The following SIRPA variants were observed in gnomAD, a reference collection of about 807,000 sequenced individuals.
The protein encoded by SIRPA is tyrosine-protein phosphatase non-receptor type substrate 1.
A neutral mutation model predicts 50.3 loss-of-function variants in SIRPA; 9 were observed. The ratio of observed to expected loss-of-function variants is 0.18; its 90% CI spans 0.11 to 0.31. The LOEUF is 0.31. SIRPA is among the 10% of genes least tolerant of loss of function. The pLI is 1.00. For synonymous variants in SIRPA, 265 were observed against 284.1 expected (o/e 0.93, Z 0.68); for missense variants, 474 against 661.6 (o/e 0.72, Z 3.11).
At chr20:1,913,844 C>T (rs2123080442) in intron 1 of SIRPA, among the ~76,000 whole-genome samples, 1 of 152,328 alleles carries the variant, frequency 6.6e-6, no homozygotes, top group South Asian at 2.1e-4. Context: ...CATCTCATGA[C>T]AAGCTCGTCC....
At position 1,937,470 on chromosome 20, in the gene SIRPA, C is replaced by T. The variant is rs774526426; in HGVS notation, c.1417C>T (p.Leu473=). 1.2e-5 allele frequency: 20 copies of T among 1,614,138 alleles called. No individual in the cohort carries two copies. In the Admixed American group the frequency reaches 2.2e-4, roughly 17 times the overall value. The change falls in exon 8 of 8, where the codon CTG becomes TTG. Residue 473 remains leucine, a synonymous_variant. Coordinates refer to ENST00000358771, the MANE Select transcript of SIRPA (RefSeq NM_001040023.2). The surrounding 1 kb of genome is among the most constrained non-coding windows in gnomAD (Gnocchi z 8.3). ...ASEDTLTYAD[L]DMVHLNRTPK... is the part of the protein sequence containing the mutation. ...GGAGGACACCCTCACCTATGCTGAC[C>T]TGGACATGGTCCACCTCAACCGGAC...
intron 1 of SIRPA, among the ~76,000 whole-genome samples, chr20:1,896,269 G>A (rs904682007): frequency 6.6e-6 from 1 of 152,208 alleles, no homozygotes; most frequent in Non-Finnish European, 1.5e-5. Flanking sequence ...GTGCTCCGCG[G>A]GGATGTTACC....
intron 1 of SIRPA, among the ~76,000 whole-genome samples, chr20:1,903,787 C>A (rs764085253): frequency 6.6e-6 from 1 of 152,208 alleles, no homozygotes; most frequent in Non-Finnish European, 1.5e-5. Context: ...CCCAACCACC[C>A]CATTCCAAAA....
chr20:1,901,493 C>T (rs1057352341), intron 1 of SIRPA, among the ~76,000 whole-genome samples: 10 of 152,142 alleles, frequency 6.6e-5, no homozygotes, highest in African/African-American at 2.2e-4. Flanking sequence ...TCTATCAGTG[C>T]ACCTTCCTAT....
chr20:1,904,666 G>A (rs1041451725), intron 1 of SIRPA, among the ~76,000 whole-genome samples: 16 of 152,176 alleles, frequency 1.1e-4, no homozygotes, highest in African/African-American at 2.9e-4. Context: ...GATTGTCATC[G>A]TTTTATGGTT....
Position 1,924,868 on chromosome 20 carries a change from CAGA to C in SIRPA, c.1197_1199del (p.Lys400del). On this transcript the variant is annotated inframe_deletion, in exon 5 of 8. Coordinates refer to ENST00000358771, the MANE Select transcript of SIRPA (RefSeq NM_001040023.2). This position sits in a 1 kb window ranked among gnomAD's most constrained non-coding sequence, Gnocchi z 4.5. ...GGCCCTCTACCTCGTCCGAATCAGA[CAGA>C]AGAAAGGTGGGTGCATTCCCCTCTT... is the stretch of plus-strand genomic sequence containing the variant. 1 of 1,613,786 alleles carries C rather than the reference CAGA, an allele frequency of 6.2e-7. No individual in the cohort carries two copies. The highest frequency in any genetic ancestry group is 8.5e-7 in the Non-Finnish European group (1 of 1,179,694).
chr20:1,908,670 G>T lies in SIRPA; in HGVS notation c.80-6429G>T, dbSNP rs191934521. The stretch of plus-strand genomic sequence containing the variant: ...CATGTATGTACACACGTGTGTTCTC[G>T]TGTGCATACTCTTATGCACCCTCAG... On this transcript the variant is annotated intron_variant, in intron 1 of 7. Transcript: ENST00000358771. 2.9e-4 allele frequency among the ~76,000 whole-genome samples: 44 copies of T among 152,116 alleles called. No individual in the cohort carries two copies. In the East Asian group the frequency reaches 7.9e-3, roughly 27 times the overall value.
chr20:1,924,962 G>T lies in SIRPA; in HGVS notation c.1201+85G>T. On this transcript the variant is annotated intron_variant, in intron 5 of 7. Coordinates refer to ENST00000358771, the MANE Select transcript of SIRPA (RefSeq NM_001040023.2). This position sits in a 1 kb window ranked among gnomAD's most constrained non-coding sequence, Gnocchi z 4.5. ...ACGCCATTAGGTGCTTTGGGTTAAG[G>T]ACATCAGCTTCTGCCAGTAGCAAGA... 1 of 1,055,728 alleles carries T rather than the reference G, an allele frequency of 9.5e-7. No individual in the cohort carries two copies. Among genetic ancestry groups the T allele is most frequent in the South Asian group, 1.3e-5 (1 of 75,520 alleles). The allele number at this position is 1,055,728 out of a possible 1,614,324, so 65.4% of individuals were successfully genotyped here.
At position 1,937,841 on chromosome 20, in the gene SIRPA, G is replaced by A; in HGVS notation, c.*273G>A. 1 of 493,842 alleles carries A rather than the reference G, an allele frequency of 2.0e-6. No individual in the cohort carries two copies. Among genetic ancestry groups the A allele is most frequent in the South Asian group, 2.9e-5 (1 of 34,610 alleles). The allele number at this position is 493,842 out of a possible 1,614,324, so 30.6% of individuals were successfully genotyped here. ...ACCAACCTGGGAAGTGGCCAGAACT[G>A]CCTGGGGTCCAAGAACTCTTGTGCC... On this transcript the variant is annotated 3_prime_UTR_variant, in exon 8 of 8. Transcript: ENST00000358771. The surrounding 1 kb of genome is among the most constrained non-coding windows in gnomAD (Gnocchi z 8.3).
At chr20:1,900,501 C>T (rs1204550802) in intron 1 of SIRPA, among the ~76,000 whole-genome samples, 1 of 152,192 alleles carries the variant, frequency 6.6e-6, no homozygotes, top group Non-Finnish European at 1.5e-5. Flanking sequence ...CACAGCCTGC[C>T]TCTAGGTGTC....
intron 1 of SIRPA, among the ~76,000 whole-genome samples, chr20:1,896,114 G>A (rs1983797188): frequency 6.6e-6 from 1 of 152,180 alleles, no homozygotes; most frequent in Non-Finnish European, 1.5e-5. Context: ...GAGCTGCTGC[G>A]AGCAACAGAT....
In SIRPA at chr20:1,939,154, G is replaced by C. The variant is rs1034880218; in HGVS notation, c.*1586G>C. The C allele has an allele frequency of 1.3e-5, 2 of 152,336 alleles. No homozygotes were observed. Among genetic ancestry groups the C allele is most frequent in the Middle Eastern group, 3.2e-3 (1 of 316 alleles). 9.4% of individuals were successfully genotyped at this position (152,336 alleles called of 1,614,324 possible). ...GGCCTGACCGGGCCCAGGGCAAGCA[G>C]ATGTCGCAAGCCCTATTTATTCAGT... On this transcript the variant is annotated 3_prime_UTR_variant, in exon 8 of 8. Transcript: ENST00000358771. The surrounding 1 kb of genome is among the most constrained non-coding windows in gnomAD (Gnocchi z 4.7).
rs11905717 is a variant in SIRPA, at chr20:1,934,082, G to T, written c.1227-633G>T. 0.041 allele frequency among the ~76,000 whole-genome samples: 6,200 copies of T among 152,062 alleles called. 399 individuals are homozygous for T. The highest frequency in any genetic ancestry group is 0.14 in the African/African-American group (5,848 of 41,426). On this transcript the variant is annotated intron_variant, in intron 6 of 7. Coordinates refer to ENST00000358771, the MANE Select transcript of SIRPA (RefSeq NM_001040023.2). The surrounding 1 kb of genome is among the most constrained non-coding windows in gnomAD (Gnocchi z 4.6). ...TTATCCACACATTTTTCATAATTGA[G>T]ATAATCCTACAGAGAATTTTCCTTT...
intron 2 of SIRPA, among the ~76,000 whole-genome samples, chr20:1,917,644 G>A (rs2123118399): frequency 6.6e-6 from 1 of 152,312 alleles, no homozygotes; most frequent in East Asian, 1.9e-4. Context: ...TAAAGGACAG[G>A]TCTCAGCACA....
Position 1,937,669 on chromosome 20 carries a change from G to T in SIRPA, c.*101G>T. 1.3e-6 allele frequency: 2 copies of T among 1,488,620 alleles called. No homozygotes were observed. The highest frequency in any genetic ancestry group is 1.8e-6 in the Non-Finnish European group (2 of 1,104,214). 92.2% of individuals were successfully genotyped at this position (1,488,620 alleles called of 1,614,324 possible). On this transcript the variant is annotated 3_prime_UTR_variant, in exon 8 of 8. Transcript: ENST00000358771. The surrounding 1 kb of genome is among the most constrained non-coding windows in gnomAD (Gnocchi z 8.3). The stretch of plus-strand genomic sequence containing the variant: ...GCCAACCCAGTTCCCGGAGGGCTGG[G>T]GCGGTGCAGGCTCTGGGACCCAGGG...
chr20:1,938,726 C>G lies in SIRPA; in HGVS notation c.*1158C>G, dbSNP rs1986734371. On this transcript the variant is annotated 3_prime_UTR_variant, in exon 8 of 8. Transcript: ENST00000358771. Reference sequence around the variant, plus strand: ...GTGACCCCGCTGTGGTAAGTCCAGCCTGCCCAGGGCTGCTGAGGGCTGCCT... The same window carrying G: ...GTGACCCCGCTGTGGTAAGTCCAGCGTGCCCAGGGCTGCTGAGGGCTGCCT... 1 of 152,488 alleles carries G rather than the reference C, an allele frequency of 6.6e-6. No homozygotes were observed. Among genetic ancestry groups the G allele is most frequent in the Non-Finnish European group, 1.5e-5 (1 of 68,092 alleles). The allele number at this position is 152,488 out of a possible 1,614,324, so 9.4% of individuals were successfully genotyped here.
chr20:1,914,549 A>C (rs1203198280), intron 1 of SIRPA, among the ~76,000 whole-genome samples: 3 of 142,146 alleles, frequency 2.1e-5, no homozygotes, highest in Non-Finnish European at 4.6e-5. Context: ...CACTGGCACG[A>C]GTCTACATTG....
chr20:1,910,660 A>G (rs1453038780), intron 1 of SIRPA, among the ~76,000 whole-genome samples: 2 of 152,234 alleles, frequency 1.3e-5, no homozygotes, highest in Admixed American at 1.3e-4. Flanking sequence ...ACATACGGTA[A>G]CATACATCAT....
chr20:1,934,855 GGGGTGGA>G lies in SIRPA; in HGVS notation c.1266+111_1266+117del. ...CTGGTTCTAAATTAAGACTCCTTGTGGGGTGGAGGGTGGAGGATCTTACACTCCTAGC... is the reference window on the plus strand; with the variant it reads ...CTGGTTCTAAATTAAGACTCCTTGTGGGGTGGAGGATCTTACACTCCTAGC... On this transcript the variant is annotated intron_variant, in intron 7 of 7. Transcript: ENST00000358771. The surrounding 1 kb of genome is among the most constrained non-coding windows in gnomAD (Gnocchi z 4.6). 7.7e-7 allele frequency: 1 copy of G among 1,295,482 alleles called. No homozygotes were observed. The highest frequency in any genetic ancestry group is 1.1e-6 in the Non-Finnish European group (1 of 891,914). The allele number at this position is 1,295,482 out of a possible 1,614,324, so 80.2% of individuals were successfully genotyped here. A position where few individuals can be genotyped will look rare whatever the true frequency, so the allele number is the denominator to read the frequency against.
Sources: gnomAD v4.1 joint callset for allele counts (sites outside exome capture counted in the v4.1 genomes callset) on GRCh38, gnomAD v4.1.1 for gene constraint, Gnocchi (gnomAD v3.1) non-coding constraint, MANE v1.5 for transcripts, NCBI Gene and HGNC (gene_info 2026-07-23, HGNC 2026-07-21) for gene names.